Variants in SCCPDH observed in about 807,000 individuals in gnomAD.
SCCPDH encodes the protein saccharopine dehydrogenase (putative).
In SCCPDH, 34 loss-of-function variants were observed where a neutral mutation model predicts 51.5. That is an observed-to-expected ratio of 0.66 (90% CI 0.50 to 0.88). The LOEUF is 0.88. SCCPDH is among the 40% of genes least tolerant of loss of function. SCCPDH has a pLI of 0.00. For synonymous variants in SCCPDH, 187 were observed against 191.3 expected (o/e 0.98, Z 0.19); for missense variants, 464 against 527.1 (o/e 0.88, Z 1.17).
chr1:246,733,351 T>G (rs1395954033), intron 2 of SCCPDH, among the ~76,000 whole-genome samples: 1 of 151,968 alleles, frequency 6.6e-6, no homozygotes, highest in African/African-American at 2.4e-5. Flanking sequence ...CCTCCCAAAG[T>G]GTTGGGATTA....
At chr1:246,744,680 A>G (rs1000514760) in intron 5 of SCCPDH, among the ~76,000 whole-genome samples, 3 of 151,626 alleles carry the variant, frequency 2.0e-5, no homozygotes, top group African/African-American at 7.3e-5. Flanking sequence ...CAGTGGTGTG[A>G]TCTTGGCTCA....
intron 2 of SCCPDH, among the ~76,000 whole-genome samples, chr1:246,730,572 T>C (rs1195675777): frequency 1.3e-5 from 2 of 152,222 alleles, no homozygotes; most frequent in African/African-American, 4.8e-5. Flanking sequence ...CTGTGTCCTG[T>C]CTTCAACACA....
At position 246,740,218 on chromosome 1, in the gene SCCPDH, AAGGG is replaced by A. The variant is rs759708255; in HGVS notation, c.432_435del (p.Gly145PhefsTer18). 1.7e-5 allele frequency: 28 copies of A among 1,607,772 alleles called. No homozygotes were observed. Among genetic ancestry groups the A allele is most frequent in the Non-Finnish European group, 2.2e-5 (26 of 1,175,302 alleles). ...AAGTATCATGAGAAAGCTGCAGACA[AAGGG>A]GTTTATATCATTGGAAGCAGCGGCT... is the stretch of plus-strand genomic sequence containing the variant. On this transcript the variant is annotated frameshift_variant, in exon 4 of 12. Transcript: ENST00000366510. LOFTEE classifies it high-confidence loss of function.
chr1:246,732,434 C>T (rs960946561), intron 2 of SCCPDH, among the ~76,000 whole-genome samples: 5 of 151,576 alleles, frequency 3.3e-5, no homozygotes, highest in African/African-American at 9.7e-5. Flanking sequence ...GTCACCCAGG[C>T]GGAAATGCAG....
chr1:246,762,107 T>C (rs940808189), intron 9 of SCCPDH, among the ~76,000 whole-genome samples: 1 of 152,214 alleles, frequency 6.6e-6, no homozygotes, highest in Admixed American at 6.5e-5. Flanking sequence ...TTGATTTGCA[T>C]TTACCTGATG....
chr1:246,726,889 T>C lies in SCCPDH; in HGVS notation c.191-3T>C. ...ACTTTCCTTCATTTGTTTCTTATTTTAGGAAGACCAACACTGTCATCTGAA... is the reference window on the plus strand; with the variant it reads ...ACTTTCCTTCATTTGTTTCTTATTTCAGGAAGACCAACACTGTCATCTGAA... On this transcript the variant is annotated splice_region_variant and splice_polypyrimidine_tract_variant and intron_variant, in intron 1 of 11. Coordinates refer to ENST00000366510, the MANE Select transcript of SCCPDH (RefSeq NM_016002.3). The C allele has an allele frequency of 6.2e-7, 1 of 1,604,266 alleles. No individual in the cohort carries two copies. Among genetic ancestry groups the C allele is most frequent in the Non-Finnish European group, 8.5e-7 (1 of 1,171,118 alleles).
At chr1:246,758,791 T>G (rs1215692922) in intron 6 of SCCPDH, among the ~76,000 whole-genome samples, 1 of 152,108 alleles carries the variant, frequency 6.6e-6, no homozygotes, top group Non-Finnish European at 1.5e-5. Context: ...AGGTAAGAAT[T>G]TAGGGTTGGG....
chr1:246,749,222 C>CT (rs1668815032), intron 5 of SCCPDH, among the ~76,000 whole-genome samples: 1 of 152,236 alleles, frequency 6.6e-6, no homozygotes, highest in Admixed American at 6.5e-5. Flanking sequence ...TCTGGCCTGC[C>CT]TGTTGCACAA....
At chr1:246,737,883 C>T (rs1004580000) in intron 3 of SCCPDH, among the ~76,000 whole-genome samples, 9 of 152,068 alleles carry the variant, frequency 5.9e-5, no homozygotes, top group East Asian at 2.0e-4. Flanking sequence ...TGAGCCACCA[C>T]GCCCAGCCAT....
intron 5 of SCCPDH, among the ~76,000 whole-genome samples, chr1:246,757,344 C>CAAAAA (rs10649597): frequency 3.7e-4 from 29 of 77,410 alleles, no homozygotes; most frequent in African/African-American, 1.2e-3. Flanking sequence ...GACTCTGTCT[C>CAAAAA]AAAAAAAAAA....
At chr1:246,743,928 T>TAAAACA (rs1668718213) in intron 4 of SCCPDH, 148 bp from the exon 5 acceptor site, 2 of 538,988 alleles carry the variant, frequency 3.7e-6, no homozygotes, top group Non-Finnish European at 6.6e-6. Context: ...AAAAACATAA[T>TAAAACA]AAAACTGTTG....
At chr1:246,765,463 T>C (rs573996558) in intron 10 of SCCPDH, among the ~76,000 whole-genome samples, 11 of 152,370 alleles carry the variant, frequency 7.2e-5, no homozygotes, top group African/African-American at 2.6e-4. Context: ...ACCTGACTTT[T>C]TAAGGTAAGT....
rs546390673 is a variant in SCCPDH, at chr1:246,762,398, C to T, written c.991-1848C>T. On this transcript the variant is annotated intron_variant, in intron 9 of 11. Coordinates refer to ENST00000366510, the MANE Select transcript of SCCPDH (RefSeq NM_016002.3). ...GCTTCCATCTCTTGCTTGAACTTTTCGTAGCATTCCTACGGTTTCTTTCTA... is the reference window on the plus strand; with the variant it reads ...GCTTCCATCTCTTGCTTGAACTTTTTGTAGCATTCCTACGGTTTCTTTCTA... Among the ~76,000 whole-genome samples, 8 of 152,310 alleles carry T rather than the reference C, an allele frequency of 5.3e-5. No homozygotes were observed. In the South Asian group the frequency reaches 1.4e-3, roughly 28 times the overall value.
intron 9 of SCCPDH, 110 bp from the exon 10 acceptor site, chr1:246,764,136 T>C (rs1365741482): frequency 3.2e-6 from 2 of 623,632 alleles, no homozygotes; most frequent in East Asian, 2.8e-5. Context: ...GATAAAATAA[T>C]GTTTTCATCT....
chr1:246,739,987 G>A (rs1364717761), intron 3 of SCCPDH, among the ~76,000 whole-genome samples, 185 bp from the exon 4 acceptor site: 1 of 152,080 alleles, frequency 6.6e-6, no homozygotes, highest in Non-Finnish European at 1.5e-5. Flanking sequence ...TGTACCACCT[G>A]GTGTGCAGTA....
At chr1:246,730,161 C>G (rs181782340) in intron 2 of SCCPDH, among the ~76,000 whole-genome samples, 19 of 152,300 alleles carry the variant, frequency 1.2e-4, no homozygotes, top group African/African-American at 3.8e-4. Context: ...ACCTCCTACT[C>G]TATCTTAAAC....
chr1:246,755,792 C>G (rs1294883701), intron 5 of SCCPDH: 1 of 153,834 alleles, frequency 6.5e-6, no homozygotes, highest in Non-Finnish European at 1.5e-5. Flanking sequence ...GGAGATCCTG[C>G]TGACGGCAAA....
chr1:246,763,242 A>AT (rs1669044987), intron 9 of SCCPDH, among the ~76,000 whole-genome samples: 1 of 152,106 alleles, frequency 6.6e-6, no homozygotes, highest in Non-Finnish European at 1.5e-5. Flanking sequence ...CATAGGATTC[A>AT]TTTTTCATCC....
At chr1:246,746,086 C>T (rs143179968) in intron 5 of SCCPDH, among the ~76,000 whole-genome samples, 16,561 of 129,228 alleles carry the variant, frequency 0.13, 1,241 homozygotes, top group African/African-American at 0.22. Context: ...CCAGCCTGGG[C>T]GACAGAGCGA....
Sources: allele counts gnomAD v4.1 joint callset (sites outside exome capture counted in the v4.1 genomes callset), GRCh38; gene constraint gnomAD v4.1.1; transcripts MANE v1.5; gene names NCBI Gene and HGNC (gene_info 2026-07-23, HGNC 2026-07-21).